NAV2: variants seen among roughly 807,000 people sequenced by gnomAD.
NAV2 encodes the protein neuron navigator 2.
Under a neutral mutation model 223.2 loss-of-function variants are expected in NAV2, and 54 were observed. That is an observed-to-expected ratio of 0.24 (90% CI 0.19 to 0.30). The LOEUF (loss-of-function observed/expected upper bound fraction) is 0.30, where lower values mean the gene tolerates loss of function less well. Among genes scored for constraint, NAV2 ranks in the 10% least tolerant of loss-of-function variants. The pLI is 1.00. For synonymous variants in NAV2, 1,279 were observed against 1,239.3 expected (o/e 1.03, Z -0.67); for missense variants, 2,806 against 3,147.5 (o/e 0.89, Z 2.60).
intron 26 of NAV2, among the ~76,000 whole-genome samples, chr11:20,086,070 C>T (rs2060424965): frequency 6.6e-6 from 1 of 152,254 alleles, no homozygotes; most frequent in South Asian, 2.1e-4. Flanking sequence ...GACAGCGTGA[C>T]TTCCCACATA....
intron 10 of NAV2, among the ~76,000 whole-genome samples, chr11:19,965,962 A>G (rs183337157): frequency 1.4e-3 from 213 of 152,286 alleles, no homozygotes; most frequent in African/African-American, 5.0e-3. Flanking sequence ...GATGACTTGA[A>G]GGTTAAGATG....
At chr11:19,699,471 A>G (rs2049447877) in intron 1 of NAV2, among the ~76,000 whole-genome samples, 3 of 152,076 alleles carry the variant, frequency 2.0e-5, no homozygotes, top group Admixed American at 1.3e-4. Flanking sequence ...GATTTTGAAG[A>G]GTCAGAAAGA....
chr11:19,493,921 C>T (rs1019464967), intron 1 of NAV2, among the ~76,000 whole-genome samples: 1 of 152,226 alleles, frequency 6.6e-6, no homozygotes, highest in South Asian at 2.1e-4. Flanking sequence ...CAATAGCTGC[C>T]TATGCTTAAT....
chr11:19,367,454 G>T (rs1427016006), intron 1 of NAV2, among the ~76,000 whole-genome samples: 3 of 152,148 alleles, frequency 2.0e-5, no homozygotes, highest in African/African-American at 7.2e-5. Context: ...CATATTTCTG[G>T]TTTTATGTCT....
chr11:19,840,189 C>A (rs921986653), intron 2 of NAV2, among the ~76,000 whole-genome samples: 5 of 152,168 alleles, frequency 3.3e-5, no homozygotes, highest in Admixed American at 2.6e-4. Context: ...TCATTTGATT[C>A]ATCTCTTCCC....
chr11:19,477,873 T>C (rs2042165326), intron 1 of NAV2, among the ~76,000 whole-genome samples: 1 of 152,210 alleles, frequency 6.6e-6, no homozygotes, highest in African/African-American at 2.4e-5. Flanking sequence ...ACTTAAAGTT[T>C]GAGCAGGAAT....
chr11:20,055,183 T>C (rs1195129472), intron 18 of NAV2, among the ~76,000 whole-genome samples: 2 of 152,218 alleles, frequency 1.3e-5, no homozygotes, highest in African/African-American at 4.8e-5. Flanking sequence ...TCATTTCTGA[T>C]TGACTAAATG....
In NAV2 at chr11:20,044,112, T is replaced by C; in HGVS notation, c.3039T>C (p.Ser1013=). The C allele has an allele frequency of 6.2e-7, 1 of 1,614,210 alleles. No individual in the cohort carries two copies. The highest frequency in any genetic ancestry group is 8.5e-7 in the Non-Finnish European group (1 of 1,180,042). Residue 1013 remains serine, a synonymous_variant, in exon 13 of 38, where the codon TCT becomes TCC. Coordinates refer to ENST00000349880, the MANE Select transcript of NAV2 (RefSeq NM_145117.5). ...EPGSKWRRNP[S]DVSDESDKST... The stretch of plus-strand genomic sequence containing the variant: ...GTTCCAAGTGGAGGCGGAATCCTTC[T>C]GATGTGTCTGACGAGTCCGACAAAA...
At chr11:19,503,847 C>A (rs1188941854) in intron 1 of NAV2, 9 of 152,166 alleles carry the variant, frequency 5.9e-5, no homozygotes, top group African/African-American at 2.2e-4. Flanking sequence ...AATTTCTGCT[C>A]TGTGAAAGAC....
At chr11:19,677,084 G>C (rs1319619216) in intron 1 of NAV2, among the ~76,000 whole-genome samples, 1 of 152,194 alleles carries the variant, frequency 6.6e-6, no homozygotes, top group African/African-American at 2.4e-5. Flanking sequence ...TTGTGAAGTG[G>C]AGAACTCCTT....
chr11:19,940,515 C>T (rs2046320339), intron 8 of NAV2, among the ~76,000 whole-genome samples: 1 of 152,204 alleles, frequency 6.6e-6, no homozygotes, highest in Non-Finnish European at 1.5e-5. Flanking sequence ...GCTCCAGCAG[C>T]TTCTAGTCAG....
At chr11:19,805,303 T>G (rs761596569) in intron 1 of NAV2, among the ~76,000 whole-genome samples, 8 of 152,190 alleles carry the variant, frequency 5.3e-5, no homozygotes, top group Non-Finnish European at 1.0e-4. Context: ...GACCTCTTCT[T>G]ATTTTTAGTT....
At chr11:19,723,429 A>G (rs188984630) in intron 1 of NAV2, among the ~76,000 whole-genome samples, 19 of 152,270 alleles carry the variant, frequency 1.2e-4, no homozygotes, top group Middle Eastern at 3.4e-3. Context: ...CTGATTCCCA[A>G]ACCTGTGCTT....
At chr11:20,049,997 G>A in intron 16 of NAV2, 96 bp downstream of exon 16, 1 of 1,128,000 alleles carries the variant, frequency 8.9e-7, no homozygotes, top group Non-Finnish European at 1.3e-6. Flanking sequence ...GTTGGCCTAA[G>A]CCACCTGCTT....
chr11:19,647,268 G>T (rs1323622289), intron 1 of NAV2, among the ~76,000 whole-genome samples: 1 of 152,170 alleles, frequency 6.6e-6, no homozygotes, highest in East Asian at 1.9e-4. Flanking sequence ...TCATAAAGAT[G>T]CTGGCTCTGT....
intron 1 of NAV2, among the ~76,000 whole-genome samples, chr11:19,557,731 C>T (rs2044947659): frequency 6.6e-6 from 1 of 152,220 alleles, no homozygotes; most frequent in South Asian, 2.1e-4. Context: ...CAGAACAGAA[C>T]TGGGGCTGCA....
intron 1 of NAV2, among the ~76,000 whole-genome samples, chr11:19,769,547 C>T (rs1466986573): frequency 3.3e-5 from 5 of 152,158 alleles, no homozygotes; most frequent in Non-Finnish European, 7.3e-5. Context: ...CCAGCATCCA[C>T]CCCGACCCCA....
intron 1 of NAV2, among the ~76,000 whole-genome samples, chr11:19,539,805 G>A (rs1407083365): frequency 1.3e-5 from 2 of 152,180 alleles, no homozygotes; most frequent in African/African-American, 4.8e-5. Flanking sequence ...GAAGCAGGCA[G>A]GCTACAAATG....
intron 10 of NAV2, chr11:19,978,665 T>A (rs1227417572): frequency 6.6e-6 from 1 of 151,384 alleles, no homozygotes; most frequent in Non-Finnish European, 1.5e-5. Flanking sequence ...TTTTTTTTTT[T>A]TTTTTTTATG....
Sources: allele counts gnomAD v4.1 joint callset (sites outside exome capture counted in the v4.1 genomes callset), GRCh38; gene constraint gnomAD v4.1.1; transcripts MANE v1.5; gene names NCBI Gene and HGNC (gene_info 2026-07-23, HGNC 2026-07-21).